MALRD1: variants seen among roughly 807,000 people sequenced by gnomAD.
MALRD1 encodes MAM and LDL-receptor class A domain-containing protein 1.
Under a neutral mutation model 242.1 loss-of-function variants are expected in MALRD1, and 247 were observed. The ratio of observed to expected loss-of-function variants is 1.02; its 90% CI spans 0.92 to 1.13. The LOEUF (loss-of-function observed/expected upper bound fraction) is 1.13, where lower values mean the gene tolerates loss of function less well. Ranked by LOEUF, MALRD1 falls within the 50% of genes most tolerant of loss-of-function variation. The pLI, the probability that MALRD1 is intolerant of heterozygous loss-of-function variation, is 0.00. For missense variants in MALRD1, 2,989 were observed against 2,533.1 expected (o/e 1.18, Z -3.86); for synonymous variants, 995 against 866.6 (o/e 1.15, Z -2.60).
In MALRD1 at chr10:19,512,660, T is replaced by C. The variant is rs1320391581; in HGVS notation, c.5320+14014T>C. On this transcript the variant is annotated intron_variant, in intron 31 of 39. Coordinates refer to ENST00000454679, the MANE Select transcript of MALRD1 (RefSeq NM_001142308.3). ...ACTACAAGAACACATTGATATCCCA[T>C]TGAAGGTGGCAATTGAGTTAAATCC... Among the ~76,000 whole-genome samples, 16 of 152,324 alleles carry C rather than the reference T, an allele frequency of 1.1e-4. 1 individual carries two copies. In the East Asian group the frequency reaches 3.1e-3, roughly 29 times the overall value.
intron 36 of MALRD1, among the ~76,000 whole-genome samples, chr10:19,663,787 G>A (rs1376384897): frequency 2.6e-5 from 4 of 151,848 alleles, no homozygotes; most frequent in East Asian, 3.9e-4. Context: ...TTAGGGTGGA[G>A]AAATGGGAGT....
chr10:19,467,392 CAAAAAA>C (rs71387079), intron 29 of MALRD1, among the ~76,000 whole-genome samples: 3 of 53,762 alleles, frequency 5.6e-5, no homozygotes, highest in East Asian at 1.8e-3. Flanking sequence ...GACTCCGTCT[CAAAAAA>C]AAAAAAAAAA....
rs182514255 is a variant in MALRD1, at chr10:19,383,798, A to T, written c.4442-3730A>T. ...AAGTCTGTTTCTTATTCAGTATTAA[A>T]TAGATACTAGATGCTAAGCCCTGGG... On this transcript the variant is annotated intron_variant, in intron 26 of 39. Coordinates refer to ENST00000454679, the MANE Select transcript of MALRD1 (RefSeq NM_001142308.3). 1.9e-3 allele frequency among the ~76,000 whole-genome samples: 296 copies of T among 152,034 alleles called. 1 individual carries two copies. The highest frequency in any genetic ancestry group is 3.7e-3 in the Admixed American group (57 of 15,208).
At chr10:19,219,448 T>G (rs1837466322) in intron 18 of MALRD1, among the ~76,000 whole-genome samples, 1 of 152,150 alleles carries the variant, frequency 6.6e-6, no homozygotes, top group Non-Finnish European at 1.5e-5. Context: ...TCTTTTTTAT[T>G]TTTTTGAAGA....
intron 18 of MALRD1, among the ~76,000 whole-genome samples, chr10:19,217,312 G>T (rs1351864044): frequency 2.0e-5 from 3 of 152,076 alleles, no homozygotes; most frequent in African/African-American, 7.2e-5. Flanking sequence ...ATTGCCAGTA[G>T]TCCAGAGTTC....
In MALRD1 at chr10:19,380,967, G is replaced by A. The variant is rs528723224; in HGVS notation, c.4442-6561G>A. Among the ~76,000 whole-genome samples, 14 of 150,556 alleles carry A rather than the reference G, an allele frequency of 9.3e-5. No individual in the cohort carries two copies. In the East Asian group the frequency reaches 2.6e-3, roughly 27 times the overall value. On this transcript the variant is annotated intron_variant, in intron 26 of 39. Coordinates refer to ENST00000454679, the MANE Select transcript of MALRD1 (RefSeq NM_001142308.3). The stretch of plus-strand genomic sequence containing the variant: ...GTACATGTGCACAATGTGCAGGTTA[G>A]TTACATATGTACACATGTGCCATGC...
At chr10:19,103,928 T>C (rs10159517) in intron 4 of MALRD1, 51 bp from the exon 5 acceptor site, 544,317 of 1,051,762 alleles carry the variant, frequency 0.52, 142,599 homozygotes, top group African/African-American at 0.59. Context: ...GAGACAGTGA[T>C]GTTCCTTGCT....
At chr10:19,728,088 A>G (rs537437408) in intron 38 of MALRD1, among the ~76,000 whole-genome samples, 3 of 152,354 alleles carry the variant, frequency 2.0e-5, no homozygotes, top group African/African-American at 7.2e-5. Context: ...GGGATTTTCA[A>G]GAATGGGAGA....
chr10:19,560,958 T>TA (rs1253709108), intron 32 of MALRD1, among the ~76,000 whole-genome samples: 2 of 151,814 alleles, frequency 1.3e-5, no homozygotes, highest in African/African-American at 2.4e-5. Flanking sequence ...TAAAGTATAA[T>TA]AAAAAAATGA....
intron 36 of MALRD1, among the ~76,000 whole-genome samples, chr10:19,688,205 A>G (rs186300622): frequency 6.0e-4 from 91 of 152,294 alleles, no homozygotes; most frequent in South Asian, 5.4e-3. Context: ...TTCTGATCTC[A>G]GACGATGTGC....
intron 28 of MALRD1, among the ~76,000 whole-genome samples, chr10:19,399,184 A>G (rs1846718607): frequency 6.6e-6 from 1 of 152,204 alleles, no homozygotes. Context: ...TGTAGGTTCA[A>G]CTGCTGTGCA....
At chr10:19,409,964 T>A (rs1833205252) in intron 28 of MALRD1, among the ~76,000 whole-genome samples, 1 of 152,122 alleles carries the variant, frequency 6.6e-6, no homozygotes, top group South Asian at 2.1e-4. Flanking sequence ...ATATAATATG[T>A]GGTGATCATG....
intron 1 of MALRD1, among the ~76,000 whole-genome samples, chr10:19,060,010 G>A (rs1834776215): frequency 6.6e-6 from 1 of 152,224 alleles, no homozygotes; most frequent in African/African-American, 2.4e-5. Context: ...CAAGAAAAGT[G>A]TTATGTAGCA....
chr10:19,231,723 C>A (rs1457857302), intron 18 of MALRD1, among the ~76,000 whole-genome samples: 2 of 152,096 alleles, frequency 1.3e-5, no homozygotes. Flanking sequence ...GTTCATTAAA[C>A]CTCTTTCCTT....
rs533179035 is a variant in MALRD1, at chr10:19,163,533, A to G, written c.1657-2104A>G. Among the ~76,000 whole-genome samples the G allele has an allele frequency of 3.9e-5, 6 of 152,228 alleles. No individual in the cohort carries two copies. In the South Asian group the frequency reaches 1.0e-3, roughly 26 times the overall value. ...GAGGGTGGAGGAGGGAGAGGAGCAG[A>G]AAAGATAACTATTGGGTACAATGCT... On this transcript the variant is annotated intron_variant, in intron 12 of 39. Coordinates refer to ENST00000454679, the MANE Select transcript of MALRD1 (RefSeq NM_001142308.3).
intron 24 of MALRD1, among the ~76,000 whole-genome samples, chr10:19,335,744 A>G (rs1422989581): frequency 6.6e-6 from 1 of 152,208 alleles, no homozygotes; most frequent in Non-Finnish European, 1.5e-5. Context: ...ATCTAGGAAT[A>G]GCAGAAAGAA....
chr10:19,328,008 C>A (rs970018885), intron 23 of MALRD1, among the ~76,000 whole-genome samples: 4 of 152,078 alleles, frequency 2.6e-5, no homozygotes, highest in Admixed American at 6.6e-5. Flanking sequence ...GCAATTAATT[C>A]TTTCAACCCT....
chr10:19,677,740 C>A (rs921300084), intron 36 of MALRD1, among the ~76,000 whole-genome samples: 1 of 152,172 alleles, frequency 6.6e-6, no homozygotes, highest in Admixed American at 6.5e-5. Flanking sequence ...GAAATCTTTG[C>A]CCATGCCTAT....
intron 36 of MALRD1, among the ~76,000 whole-genome samples, chr10:19,676,476 A>G (rs1169072946): frequency 6.6e-6 from 1 of 152,184 alleles, no homozygotes; most frequent in African/African-American, 2.4e-5. Flanking sequence ...AAGTTTTTTA[A>G]TATAAAATTC....
Sources: gnomAD v4.1 joint callset for allele counts (sites outside exome capture counted in the v4.1 genomes callset) on GRCh38, gnomAD v4.1.1 for gene constraint, MANE v1.5 for transcripts, NCBI Gene and HGNC (gene_info 2026-07-23, HGNC 2026-07-21) for gene names.